The following EDN3 variants were observed in gnomAD, a reference collection of about 807,000 sequenced individuals.
EDN3 encodes the protein endothelin-3.
Under a neutral mutation model 21.4 loss-of-function variants are expected in EDN3, and 9 were observed. The ratio of observed to expected loss-of-function variants is 0.42; its 90% CI spans 0.25 to 0.73. EDN3 has a LOEUF of 0.73. EDN3 is among the 30% of genes least tolerant of loss of function. EDN3 has a pLI of 0.26. For missense variants in EDN3, 327 were observed against 309.4 expected, an observed-to-expected ratio of 1.06 and a Z score of -0.43; for synonymous variants, 133 against 126.2, an observed-to-expected ratio of 1.05 and a Z score of -0.36.
At chr20:59,306,595 T>TAAAAAAAAG (rs1989434540) in intron 2 of EDN3, among the ~76,000 whole-genome samples, 1 of 62,454 alleles carries the variant, frequency 1.6e-5, no homozygotes, top group Non-Finnish European at 2.9e-5. Flanking sequence ...GCATAAAGAG[T>TAAAAAAAAG]AAAAAAAAAA....
intron 2 of EDN3, among the ~76,000 whole-genome samples, chr20:59,319,487 G>A (rs915856198): frequency 4.6e-5 from 7 of 152,086 alleles, no homozygotes; most frequent in African/African-American, 1.2e-4. Context: ...CGAGGCAGGC[G>A]GATCACAAGG....
intron 2 of EDN3, among the ~76,000 whole-genome samples, chr20:59,315,546 A>G (rs1017948296): frequency 6.6e-6 from 1 of 152,204 alleles, no homozygotes; most frequent in South Asian, 2.1e-4. Context: ...AATGAAAACA[A>G]CACCTCTATT....
In EDN3 at chr20:59,324,502, A is replaced by T. The variant is rs567494206; in HGVS notation, c.*43A>T. The T allele has an allele frequency of 6.2e-7, 1 of 1,613,426 alleles. No individual in the cohort carries two copies. The highest frequency in any genetic ancestry group is 1.1e-5 in the South Asian group (1 of 91,068). ...ATCCTGGTCTCGGGAGGCTTCTGTC[A>T]TTGCTCACACACAGTTCAGATTTCC... On this transcript the variant is annotated 3_prime_UTR_variant, in exon 5 of 5. Transcript: ENST00000337938.
At position 59,322,999 on chromosome 20, in the gene EDN3, T is replaced by A. The variant is rs1990642876; in HGVS notation, c.588+582T>A. 6.6e-6 allele frequency among the ~76,000 whole-genome samples: 1 copy of A among 152,148 alleles called. No individual in the cohort carries two copies. Among genetic ancestry groups the A allele is most frequent in the Admixed American group, 6.5e-5 (1 of 15,280 alleles). On this transcript the variant is annotated intron_variant, in intron 4 of 4. Coordinates refer to ENST00000337938, the MANE Select transcript of EDN3 (RefSeq NM_207034.3). The surrounding 1 kb of genome is among the most constrained non-coding windows in gnomAD (Gnocchi z 4.1). ...GGGTTTCCTGCAGTCAAACTGGGTT[T>A]ATTTGTCATTCTATCAATCAGAAGT...
rs374697035 is a variant in EDN3 at position 59,300,855 on chromosome 20, T to G, written c.43T>G (p.Ser15Ala). 1.2e-4 allele frequency: 200 copies of G among 1,611,064 alleles called. No individual in the cohort carries two copies. Among genetic ancestry groups the G allele is most frequent in the Non-Finnish European group, 1.5e-4 (182 of 1,179,638 alleles). The change falls in exon 1 of 5, where the codon TCC (serine) becomes GCC (alanine). Residue 15 changes from serine (S) to alanine (A), a missense_variant. Coordinates refer to ENST00000337938, the MANE Select transcript of EDN3 (RefSeq NM_207034.3). ...LWLLFGLTVT[S>A]AAGFVPCSQS... ...GCTCCTTTTCGGGCTCACAGTGACC[T>G]CCGCCGCAGGTAAGCGCACGGGGCG...
At chr20:59,319,850 C>G (rs1400543438) in intron 2 of EDN3, among the ~76,000 whole-genome samples, 1 of 152,110 alleles carries the variant, frequency 6.6e-6, no homozygotes, top group Non-Finnish European at 1.5e-5. Flanking sequence ...TCATGGAAAC[C>G]AAGGTGGTTC....
chr20:59,323,231 G>GGGA (rs1990655820), intron 4 of EDN3, among the ~76,000 whole-genome samples: 1 of 152,142 alleles, frequency 6.6e-6, no homozygotes, highest in Non-Finnish European at 1.5e-5. Context: ...AAAATGGAGC[G>GGGA]GGAGGAGGAG....
rs1989345877 is a variant in EDN3, at chr20:59,305,493, A to G, written c.365+3771A>G. Among the ~76,000 whole-genome samples, 2 of 152,338 alleles carry G rather than the reference A, an allele frequency of 1.3e-5. No homozygotes were observed. Among genetic ancestry groups the G allele is most frequent in the Non-Finnish European group, 2.9e-5 (2 of 68,036 alleles). On this transcript the variant is annotated intron_variant, in intron 2 of 4. Coordinates refer to ENST00000337938, the MANE Select transcript of EDN3 (RefSeq NM_207034.3). The surrounding 1 kb of genome is among the most constrained non-coding windows in gnomAD (Gnocchi z 4.2). ...ACCAACAGGGTGTGTGCATGTCTGC[A>G]GATTATGCATATATCAGAAGTGCGG...
rs568600441 is a variant in EDN3, at chr20:59,316,343, T to A, written c.366-4674T>A. On this transcript the variant is annotated intron_variant, in intron 2 of 4. Transcript: ENST00000337938. The stretch of plus-strand genomic sequence containing the variant: ...TTTACCCGGAGTCTAGTCCAGCGCC[T>A]GCATGTTGAAAAGCAGTTGGCAAAT... 2.6e-5 allele frequency among the ~76,000 whole-genome samples: 4 copies of A among 152,346 alleles called. No individual in the cohort carries two copies. The East Asian group carries it at 7.7e-4, about 29-fold the overall frequency.
chr20:59,306,903 G>C (rs1295794116), intron 2 of EDN3, among the ~76,000 whole-genome samples: 1 of 152,160 alleles, frequency 6.6e-6, no homozygotes, highest in African/African-American at 2.4e-5. Context: ...CCAACACTTT[G>C]GGAGGCTGAG....
chr20:59,303,443 A>G (rs1286927545), intron 2 of EDN3, among the ~76,000 whole-genome samples: 1 of 152,202 alleles, frequency 6.6e-6, no homozygotes, highest in Non-Finnish European at 1.5e-5. Context: ...CATAGAATGG[A>G]GGGCACTGGG....
intron 2 of EDN3, among the ~76,000 whole-genome samples, chr20:59,303,434 A>T (rs1640765916): frequency 6.6e-6 from 1 of 152,202 alleles, no homozygotes; most frequent in Non-Finnish European, 1.5e-5. Context: ...AATTCACTTC[A>T]TAGAATGGAG....
At chr20:59,302,133 G>C (rs1019772245) in intron 2 of EDN3, among the ~76,000 whole-genome samples, 2 of 152,204 alleles carry the variant, frequency 1.3e-5, no homozygotes, top group African/African-American at 2.4e-5. Flanking sequence ...GATCCAAGGG[G>C]TTTAAAATTC....
chr20:59,317,619 G>A (rs3026585), intron 2 of EDN3, among the ~76,000 whole-genome samples: 6,969 of 152,066 alleles, frequency 0.046, 447 homozygotes, highest in African/African-American at 0.14. Context: ...ACCTGTTTTC[G>A]TAGTCCAACA....
chr20:59,310,607 CTCT>C (rs1205644485), intron 2 of EDN3, among the ~76,000 whole-genome samples: 1 of 152,104 alleles, frequency 6.6e-6, no homozygotes, highest in African/African-American at 2.4e-5. Context: ...AAGCACTGGC[CTCT>C]TCTTCTTTTG....
chr20:59,323,085 G>A (rs1278827088), intron 4 of EDN3, among the ~76,000 whole-genome samples: 1 of 152,138 alleles, frequency 6.6e-6, no homozygotes, highest in Non-Finnish European at 1.5e-5. Flanking sequence ...CATAATAATA[G>A]CCTGGAGGTG....
At chr20:59,319,663 T>C (rs1173066297) in intron 2 of EDN3, among the ~76,000 whole-genome samples, 1 of 148,370 alleles carries the variant, frequency 6.7e-6, no homozygotes, top group Non-Finnish European at 1.5e-5. Flanking sequence ...GAGGCAGAGG[T>C]TGCAGTGAGC....
Position 59,300,697 on chromosome 20 carries a change from C to T in EDN3, c.-116C>T. 9.5e-7 allele frequency: 1 copy of T among 1,052,262 alleles called. No individual in the cohort carries two copies. Among genetic ancestry groups the T allele is most frequent in the Non-Finnish European group, 1.4e-6 (1 of 722,082 alleles). The allele number at this position is 1,052,262 out of a possible 1,614,324, so 65.2% of individuals were successfully genotyped here. On this transcript the variant is annotated 5_prime_UTR_variant, in exon 1 of 5. Transcript: ENST00000337938. ...GCTGGAGACGCAGCGAGCGATCGGC[C>T]GGCCTCGAACCCCCACAGCTGGAGG... is the stretch of plus-strand genomic sequence containing the variant.
chr20:59,310,684 C>A (rs1989745702), intron 2 of EDN3, among the ~76,000 whole-genome samples: 1 of 152,172 alleles, frequency 6.6e-6, no homozygotes, highest in Non-Finnish European at 1.5e-5. Flanking sequence ...ACAGAACAGT[C>A]AGGGAGGCCT....
Sources: gnomAD v4.1 joint callset for allele counts (sites outside exome capture counted in the v4.1 genomes callset) on GRCh38, gnomAD v4.1.1 for gene constraint, Gnocchi (gnomAD v3.1) non-coding constraint, MANE v1.5 for transcripts, NCBI Gene and HGNC (gene_info 2026-07-23, HGNC 2026-07-21) for gene names.